The following PHF14 variants were observed in gnomAD, a reference collection of about 807,000 sequenced individuals.
PHF14 encodes the protein PHD finger protein 14.
In PHF14, 55 loss-of-function variants were observed where a neutral mutation model predicts 117.9. That is an observed-to-expected ratio of 0.47 (90% confidence interval 0.38 to 0.58). PHF14 has a LOEUF of 0.58. Among genes scored for constraint, PHF14 ranks in the 20% least tolerant of loss-of-function variants. The pLI is 0.00. For synonymous variants in PHF14, 409 were observed against 368.6 expected, an observed-to-expected ratio of 1.11 and a Z score of -1.26; for missense variants, 978 against 1,122.2, an observed-to-expected ratio of 0.87 and a Z score of 1.84.
intron 14 of PHF14, 135 bp from the exon 15 acceptor site, chr7:11,061,656 A>G (rs377419288): frequency 2.4e-5 from 13 of 535,738 alleles, no homozygotes; most frequent in East Asian, 1.9e-4. Context: ...TATAGTATTA[A>G]TTAGAAATAA....
chr7:11,093,025 A>C (rs1468368766), intron 16 of PHF14, among the ~76,000 whole-genome samples: 1 of 152,170 alleles, frequency 6.6e-6, no homozygotes. Context: ...CTATAGTCAG[A>C]AAGTGTGATA....
intron 16 of PHF14, among the ~76,000 whole-genome samples, chr7:11,093,057 G>C (rs1008401583): frequency 1.3e-5 from 2 of 152,170 alleles, no homozygotes; most frequent in African/African-American, 4.8e-5. Context: ...AGCAAAACTA[G>C]CTTTCAGGCT....
rs916709998 is a variant in PHF14 at position 11,013,869 on chromosome 7, A to G, written c.1168A>G (p.Asn390Asp). 1.9e-6 allele frequency: 3 copies of G among 1,607,076 alleles called. No homozygotes were observed. Among genetic ancestry groups the G allele is most frequent in the Non-Finnish European group, 2.6e-6 (3 of 1,174,986 alleles). Residue 390 changes from asparagine to aspartate, a missense_variant, in exon 5 of 18, where the codon AAT becomes GAT. Physicochemically the swap from Asn to Asp is conservative, Grantham distance 23 (BLOSUM62 1). Transcript: ENST00000634607. ...GVSPSCELCP[N>D]QDGIFKETDA... ...TTCTCCTAGCTGTGAACTGTGTCCTAATCAGGATGGAATTTTCAAGGAGAC... is the reference window on the plus strand; with the variant it reads ...TTCTCCTAGCTGTGAACTGTGTCCTGATCAGGATGGAATTTTCAAGGAGAC...
intron 3 of PHF14, among the ~76,000 whole-genome samples, chr7:10,985,515 C>T (rs1782185231): frequency 6.6e-6 from 1 of 151,500 alleles, no homozygotes; most frequent in East Asian, 1.9e-4. Flanking sequence ...CTTAAGGGAA[C>T]TTGATATTTA....
intron 3 of PHF14, among the ~76,000 whole-genome samples, chr7:10,985,099 T>G (rs1041871762): frequency 6.6e-6 from 1 of 152,188 alleles, no homozygotes; most frequent in African/African-American, 2.4e-5. Context: ...ATTAGATAAT[T>G]ACATTTTAAT....
intron 17 of PHF14, among the ~76,000 whole-genome samples, chr7:11,128,666 C>G (rs755574541): frequency 6.6e-6 from 1 of 151,640 alleles, no homozygotes; most frequent in East Asian, 1.9e-4. Flanking sequence ...ACTCATGCTG[C>G]TAGTATTTTA....
At chr7:11,009,597 A>G (rs941628878) in intron 4 of PHF14, among the ~76,000 whole-genome samples, 1 of 152,248 alleles carries the variant, frequency 6.6e-6, no homozygotes, top group East Asian at 1.9e-4. Flanking sequence ...TTTAGAACGT[A>G]TTTAGTCACT....
At chr7:11,158,398 G>T (rs1439257427) in intron 17 of PHF14, among the ~76,000 whole-genome samples, 1 of 152,122 alleles carries the variant, frequency 6.6e-6, no homozygotes, top group African/African-American at 2.4e-5. Flanking sequence ...CATAGGTGAT[G>T]TCGCTTCTCT....
Position 10,990,432 on chromosome 7 carries a change from C to T in PHF14, c.901-271C>T, listed in dbSNP as rs149311664. ...CAGATCAACAGTAGTTAGTTGCATG[C>T]GTGCTTTTTCATATCCTAGAGGAGA... On this transcript the variant is annotated intron_variant, in intron 3 of 17. Transcript: ENST00000634607. 5.5e-4 allele frequency among the ~76,000 whole-genome samples: 83 copies of T among 152,158 alleles called. No individual in the cohort carries two copies. The East Asian group carries it at 9.5e-3, about 17-fold the overall frequency.
chr7:10,983,050 G>C lies in PHF14; in HGVS notation c.791G>C (p.Ser264Thr). The C allele has an allele frequency of 6.3e-7, 1 of 1,595,784 alleles. No homozygotes were observed. The highest frequency in any genetic ancestry group is 8.5e-7 in the Non-Finnish European group (1 of 1,176,454). Residue 264 changes from serine (S) to threonine (T), a missense_variant, in exon 3 of 18, where the codon AGT (serine) becomes ACT (threonine). Ser to Thr is a moderately conservative substitution (Grantham distance 58). Coordinates refer to ENST00000634607, the MANE Select transcript of PHF14 (RefSeq NM_001007157.2). ...GATGAAGATCATAGTAGCCCTGCCA[G>C]TGAAGGGGGTTGCAAGAAGAAGAAG... ...GNDEDHSSPA[S>T]EGGCKKKKSK...
At chr7:10,978,100 C>A (rs1337745580) in intron 2 of PHF14, among the ~76,000 whole-genome samples, 2 of 152,002 alleles carry the variant, frequency 1.3e-5, no homozygotes, top group East Asian at 1.9e-4. Context: ...GGCCATATTG[C>A]CAGGAAATAA....
chr7:11,111,713 A>T (rs1358007381), intron 17 of PHF14, among the ~76,000 whole-genome samples: 1 of 152,094 alleles, frequency 6.6e-6, no homozygotes, highest in African/African-American at 2.4e-5. Flanking sequence ...CTATTATTGT[A>T]ACATATTAAA....
chr7:10,986,730 G>A (rs1782239421), intron 3 of PHF14, among the ~76,000 whole-genome samples: 1 of 152,080 alleles, frequency 6.6e-6, no homozygotes, highest in Non-Finnish European at 1.5e-5. Context: ...TTGCCCTTTA[G>A]TTTTCTGAGG....
At chr7:11,108,304 TG>T (rs1374159178) in intron 16 of PHF14, 1 of 151,710 alleles carries the variant, frequency 6.6e-6, no homozygotes, top group Non-Finnish European at 1.5e-5. Context: ...TTTGTATATT[TG>T]TTTATCACCA....
chr7:11,143,987 T>G (rs1361263405), intron 17 of PHF14, among the ~76,000 whole-genome samples: 3 of 152,090 alleles, frequency 2.0e-5, no homozygotes, highest in Non-Finnish European at 4.4e-5. Flanking sequence ...ACCCAGTAAG[T>G]GCTCTGTAGA....
chr7:11,020,679 A>C lies in PHF14; in HGVS notation c.1206-2189A>C, dbSNP rs1004498830. Among the ~76,000 whole-genome samples, 65 of 149,140 alleles carry C rather than the reference A, an allele frequency of 4.4e-4. 1 individual carries two copies. Among genetic ancestry groups the C allele is most frequent in the Admixed American group, 3.6e-3 (55 of 15,200 alleles). Reference sequence around the variant, plus strand: ...CAGGCATGAGCCACTGTGCCTGACCACTTCTTTCTTTTTTTTTCTTTAAAA... The same window carrying C: ...CAGGCATGAGCCACTGTGCCTGACCCCTTCTTTCTTTTTTTTTCTTTAAAA... On this transcript the variant is annotated intron_variant, in intron 5 of 17. Transcript: ENST00000634607.
At chr7:11,079,541 C>T (rs1785995894) in intron 16 of PHF14, among the ~76,000 whole-genome samples, 1 of 152,078 alleles carries the variant, frequency 6.6e-6, no homozygotes, top group Non-Finnish European at 1.5e-5. Context: ...CTTTTTTTGA[C>T]ATAAAATTTT....
At chr7:11,003,958 C>T (rs1782975680) in intron 4 of PHF14, among the ~76,000 whole-genome samples, 1 of 152,010 alleles carries the variant, frequency 6.6e-6, no homozygotes, top group African/African-American at 2.4e-5. Context: ...GCTAAGAAAA[C>T]ATCTCCCAGT....
chr7:11,073,316 A>G (rs973013511), intron 16 of PHF14, among the ~76,000 whole-genome samples: 1 of 152,186 alleles, frequency 6.6e-6, no homozygotes, highest in Non-Finnish European at 1.5e-5. Context: ...AAACATTCCC[A>G]TGTCAAAAAT....
Sources: allele counts gnomAD v4.1 joint callset (sites outside exome capture counted in the v4.1 genomes callset), GRCh38; gene constraint gnomAD v4.1.1; transcripts MANE v1.5; gene names NCBI Gene and HGNC (gene_info 2026-07-23, HGNC 2026-07-21).